Variants in NR6A1 observed in about 807,000 individuals in gnomAD.
NR6A1 encodes retinoic acid receptor-related testis-associated receptor.
A neutral mutation model predicts 59.1 loss-of-function variants in NR6A1; 7 were observed. The observed-to-expected ratio is 0.12, with a 90% confidence interval of 0.07 to 0.22. The LOEUF (loss-of-function observed/expected upper bound fraction) is 0.22, where lower values mean the gene tolerates loss of function less well. Ranked by LOEUF, NR6A1 falls within the 10% of genes least tolerant of loss-of-function variation. NR6A1 has a pLI of 1.00. For synonymous variants in NR6A1, 243 were observed against 236.1 expected (o/e 1.03, Z -0.27); for missense variants, 468 against 611.6 (o/e 0.77, Z 2.48).
intron 2 of NR6A1, among the ~76,000 whole-genome samples, chr9:124,702,245 A>G (rs960476374): frequency 6.6e-6 from 1 of 152,136 alleles, no homozygotes; most frequent in African/African-American, 2.4e-5. Flanking sequence ...TAGCTCTTAC[A>G]TTTAGGTGTA....
At chr9:124,736,993 T>C (rs1392059923) in intron 1 of NR6A1, among the ~76,000 whole-genome samples, 3 of 152,076 alleles carry the variant, frequency 2.0e-5, no homozygotes, top group Non-Finnish European at 2.9e-5. Context: ...GTGTAGATTA[T>C]AGCAGAGTTA....
chr9:124,538,345 C>CAG, intron 5 of NR6A1, 26 bp from the exon 6 acceptor site: 5 of 1,576,410 alleles, frequency 3.2e-6, no homozygotes, highest in Non-Finnish European at 3.5e-6. Flanking sequence ...TTGCGTCAAA[C>CAG]AGAGCCATGG....
chr9:124,540,005 ATGACC>A, intron 5 of NR6A1, 23 bp downstream of exon 5: 1 of 1,574,392 alleles, frequency 6.4e-7, no homozygotes, highest in Admixed American at 1.8e-5. Flanking sequence ...TCCCTAGATG[ATGACC>A]ATGGGTTTGC....
intron 2 of NR6A1, among the ~76,000 whole-genome samples, chr9:124,605,347 C>G (rs1305159200): frequency 1.3e-5 from 2 of 152,140 alleles, no homozygotes; most frequent in Non-Finnish European, 1.5e-5. Context: ...TGAGATCCAT[C>G]TTTACAAAAA....
chr9:124,599,739 C>A (rs1449731082), intron 2 of NR6A1, among the ~76,000 whole-genome samples: 1 of 152,186 alleles, frequency 6.6e-6, no homozygotes, highest in Non-Finnish European at 1.5e-5. Flanking sequence ...TTTCCACTTT[C>A]ATTTTAAAGA....
At chr9:124,716,599 C>T (rs781316925) in intron 2 of NR6A1, among the ~76,000 whole-genome samples, 5 of 152,140 alleles carry the variant, frequency 3.3e-5, no homozygotes, top group Admixed American at 6.6e-5. Context: ...ACCCACCACT[C>T]GACAGTTGAA....
At chr9:124,726,634 C>T (rs909262565) in intron 2 of NR6A1, among the ~76,000 whole-genome samples, 3 of 152,162 alleles carry the variant, frequency 2.0e-5, no homozygotes, top group Non-Finnish European at 4.4e-5. Context: ...GCATCTAATT[C>T]GAGACCACTC....
intron 2 of NR6A1, among the ~76,000 whole-genome samples, chr9:124,643,794 GTACTC>G (rs1836844631): frequency 6.6e-6 from 1 of 150,552 alleles, no homozygotes; most frequent in Non-Finnish European, 1.5e-5. Context: ...GAGAGAAAGG[GTACTC>G]TTTTCATTTT....
chr9:124,630,315 A>G (rs184993319), intron 2 of NR6A1, among the ~76,000 whole-genome samples: 1 of 148,026 alleles, frequency 6.8e-6, no homozygotes, highest in East Asian at 2.0e-4. Flanking sequence ...TCCCAGGTTC[A>G]AGTGATTATC....
intron 2 of NR6A1, among the ~76,000 whole-genome samples, chr9:124,578,773 G>A (rs1345011982): frequency 1.3e-5 from 2 of 151,966 alleles, no homozygotes; most frequent in South Asian, 2.1e-4. Context: ...TAAAACCTAG[G>A]GCCTACATAT....
chr9:124,583,546 T>C (rs1834833275), intron 2 of NR6A1, among the ~76,000 whole-genome samples: 1 of 152,190 alleles, frequency 6.6e-6, no homozygotes, highest in African/African-American at 2.4e-5. Context: ...GACAGGAATG[T>C]GAGGGGGGCT....
chr9:124,714,197 A>G (rs1176036597), intron 2 of NR6A1, among the ~76,000 whole-genome samples: 1 of 152,214 alleles, frequency 6.6e-6, no homozygotes, highest in East Asian at 1.9e-4. Flanking sequence ...AGACAAATTC[A>G]TAGAGACAAA....
chr9:124,524,533 ACTTCT>A lies in NR6A1; in HGVS notation c.1354+183_1354+187del, dbSNP rs555639233. 2.0e-4 allele frequency among the ~76,000 whole-genome samples: 31 copies of A among 152,314 alleles called. No homozygotes were observed. In the East Asian group the frequency reaches 6.0e-3, roughly 29 times the overall value. On this transcript the variant is annotated intron_variant, in intron 9 of 9. Transcript: ENST00000487099. ...CATATCATAAGAGCTCAGGAAATTA[ACTTCT>A]CTTCTCTATGGAGAATGCAAGCTTC...
rs144975588 is a variant in NR6A1 at position 124,644,909 on chromosome 9, A to G, written c.142+88399T>C. 6.7e-3 allele frequency among the ~76,000 whole-genome samples: 1,024 copies of G among 152,366 alleles called. 9 individuals are homozygous for G. Among genetic ancestry groups the G allele is most frequent in the Admixed American group, 0.011 (169 of 15,300 alleles). ...AGGAATATTCTGTTTTGTGGTATTC[A>G]TGAAACCGATGTTCTCCAAATTCCA... On this transcript the variant is annotated intron_variant, in intron 2 of 9. Coordinates refer to ENST00000487099, the MANE Select transcript of NR6A1 (RefSeq NM_033334.4).
chr9:124,588,727 G>A (rs1472294738), intron 2 of NR6A1, among the ~76,000 whole-genome samples: 1 of 149,176 alleles, frequency 6.7e-6, no homozygotes, highest in Non-Finnish European at 1.5e-5. Flanking sequence ...ACACCATCCT[G>A]GCTAACAACG....
chr9:124,714,933 C>T (rs1839371045), intron 2 of NR6A1, among the ~76,000 whole-genome samples: 1 of 152,134 alleles, frequency 6.6e-6, no homozygotes, highest in Non-Finnish European at 1.5e-5. Flanking sequence ...GGCACGGTGA[C>T]TCATGCCTGT....
chr9:124,683,701 G>A (rs944464939), intron 2 of NR6A1, among the ~76,000 whole-genome samples: 2 of 152,198 alleles, frequency 1.3e-5, no homozygotes, highest in African/African-American at 2.4e-5. Flanking sequence ...GCTGAGGCAG[G>A]AGAATCACTT....
chr9:124,583,608 G>A (rs944598943), intron 2 of NR6A1, among the ~76,000 whole-genome samples: 1 of 152,140 alleles, frequency 6.6e-6, no homozygotes, highest in African/African-American at 2.4e-5. Context: ...GTTCTCTCTA[G>A]GGTTTCCCTT....
At chr9:124,613,680 A>C (rs1395378205) in intron 2 of NR6A1, among the ~76,000 whole-genome samples, 2 of 152,174 alleles carry the variant, frequency 1.3e-5, no homozygotes, top group African/African-American at 2.4e-5. Context: ...CAAAAAATAA[A>C]TAAGTAAATA....
Sources: allele counts gnomAD v4.1 joint callset (sites outside exome capture counted in the v4.1 genomes callset), GRCh38; gene constraint gnomAD v4.1.1; transcripts MANE v1.5; gene names NCBI Gene and HGNC (gene_info 2026-07-23, HGNC 2026-07-21).